AGAP1: variants seen among roughly 807,000 people sequenced by gnomAD.
AGAP1 encodes arf-GAP with GTPase, ANK repeat and PH domain-containing protein 1.
In AGAP1, 29 loss-of-function variants were observed where a neutral mutation model predicts 105.3. The ratio of observed to expected loss-of-function variants is 0.28; its 90% CI spans 0.21 to 0.38. The LOEUF is 0.38. AGAP1 is among the 10% of genes least tolerant of loss of function. The pLI is 1.00. For synonymous variants in AGAP1, 509 were observed against 485.9 expected (o/e 1.05, Z -0.63); for missense variants, 998 against 1,165.1 (o/e 0.86, Z 2.09).
intron 2 of AGAP1, among the ~76,000 whole-genome samples, chr2:235,711,341 C>T (rs1332192630): frequency 6.6e-6 from 1 of 152,230 alleles, no homozygotes; most frequent in Non-Finnish European, 1.5e-5. Flanking sequence ...CAAGGTGTTA[C>T]AGGTTCAGAG....
intron 12 of AGAP1, among the ~76,000 whole-genome samples, chr2:235,954,472 T>C (rs940622387): frequency 8.0e-5 from 12 of 150,774 alleles, no homozygotes; most frequent in African/African-American, 2.9e-4. Flanking sequence ...CAACATCCTC[T>C]CTCATCGTTC....
At position 236,042,277 on chromosome 2, in the gene AGAP1, C is replaced by G. The variant is rs1315749611; in HGVS notation, c.1891+1436C>G. 6.6e-6 allele frequency among the ~76,000 whole-genome samples: 1 copy of G among 152,092 alleles called. No individual in the cohort carries two copies. The highest frequency in any genetic ancestry group is 2.1e-4 in the South Asian group (1 of 4,826). Reference sequence around the variant, plus strand: ...ACAAAAGGGAAAGGAAGCGCCCCCTCCAAGAGTCCACTCAGCAGCATAGCA... The same window carrying G: ...ACAAAAGGGAAAGGAAGCGCCCCCTGCAAGAGTCCACTCAGCAGCATAGCA... On this transcript the variant is annotated intron_variant, in intron 15 of 17. Coordinates refer to ENST00000304032, the MANE Select transcript of AGAP1 (RefSeq NM_001037131.3). This position sits in a 1 kb window ranked among gnomAD's most constrained non-coding sequence, Gnocchi z 5.6.
rs116738839 is a variant in AGAP1, at chr2:235,570,421, T to C, written c.163+75572T>C. On this transcript the variant is annotated intron_variant, in intron 1 of 17. Coordinates refer to ENST00000304032, the MANE Select transcript of AGAP1 (RefSeq NM_001037131.3). Reference sequence around the variant, plus strand: ...TTAAAGCCAGATCATTATCTTGTTATAATGTGTGAGAGAGTCCTGCTTAAA... The same window carrying C: ...TTAAAGCCAGATCATTATCTTGTTACAATGTGTGAGAGAGTCCTGCTTAAA... 3.1e-3 allele frequency among the ~76,000 whole-genome samples: 473 copies of C among 152,374 alleles called. 5 individuals are homozygous for C. The highest frequency in any genetic ancestry group is 0.011 in the African/African-American group (462 of 41,594).
intron 14 of AGAP1, among the ~76,000 whole-genome samples, chr2:236,037,068 G>A (rs1403163879): frequency 6.6e-6 from 1 of 152,174 alleles, no homozygotes; most frequent in African/African-American, 2.4e-5. Flanking sequence ...GGACTTAAAA[G>A]ATGCACTGTT....
chr2:235,693,434 T>C (rs887079463), intron 1 of AGAP1, among the ~76,000 whole-genome samples: 4 of 152,178 alleles, frequency 2.6e-5, no homozygotes, highest in Admixed American at 6.5e-5. Context: ...GTCTCTGGCA[T>C]GGGGACTCAG....
In AGAP1 at chr2:235,741,832, C is replaced by G. The variant is rs1449288777; in HGVS notation, c.396+784C>G. On this transcript the variant is annotated intron_variant, in intron 4 of 17. Transcript: ENST00000304032. The surrounding 1 kb of genome is among the most constrained non-coding windows in gnomAD (Gnocchi z 4.9). ...GCAGTGACGTGATCTCGGCTCACTA[C>G]AAGCTCCACCTCCCAGGTTCAGGCC... Among the ~76,000 whole-genome samples the G allele has an allele frequency of 6.6e-6, 1 of 151,678 alleles. No homozygotes were observed. The highest frequency in any genetic ancestry group is 1.9e-4 in the East Asian group (1 of 5,170).
At chr2:235,848,599 G>A (rs1961792982) in intron 9 of AGAP1, among the ~76,000 whole-genome samples, 2 of 152,164 alleles carry the variant, frequency 1.3e-5, no homozygotes, top group Non-Finnish European at 2.9e-5. Flanking sequence ...AATAATACTG[G>A]TAATTTAGTT....
In AGAP1 at chr2:235,596,511, C is replaced by A. The variant is rs1945530335; in HGVS notation, c.163+101662C>A. Among the ~76,000 whole-genome samples, 1 of 152,162 alleles carries A rather than the reference C, an allele frequency of 6.6e-6. No homozygotes were observed. Among genetic ancestry groups the A allele is most frequent in the Non-Finnish European group, 1.5e-5 (1 of 68,030 alleles). Reference sequence around the variant, plus strand: ...CCTGAGAGTCTGTGTTTCTGGTGAGCCACAGGTAGCACCCCGGCTGCTGGT... The same window carrying A: ...CCTGAGAGTCTGTGTTTCTGGTGAGACACAGGTAGCACCCCGGCTGCTGGT... On this transcript the variant is annotated intron_variant, in intron 1 of 17. Coordinates refer to ENST00000304032, the MANE Select transcript of AGAP1 (RefSeq NM_001037131.3). This position sits in a 1 kb window ranked among gnomAD's most constrained non-coding sequence, Gnocchi z 5.9.
chr2:235,642,050 A>G lies in AGAP1; in HGVS notation c.164-67129A>G, dbSNP rs1161251600. On this transcript the variant is annotated intron_variant, in intron 1 of 17. Coordinates refer to ENST00000304032, the MANE Select transcript of AGAP1 (RefSeq NM_001037131.3). This position sits in a 1 kb window ranked among gnomAD's most constrained non-coding sequence, Gnocchi z 4.1. The stretch of plus-strand genomic sequence containing the variant: ...ACATCATCTTGCTTCTTTACTCAGC[A>G]TAAAGCCTCGTAGTAGATTCTCAGG... Among the ~76,000 whole-genome samples the G allele has an allele frequency of 6.6e-6, 1 of 152,200 alleles. No homozygotes were observed. Among genetic ancestry groups the G allele is most frequent in the Non-Finnish European group, 1.5e-5 (1 of 68,046 alleles).
intron 9 of AGAP1, among the ~76,000 whole-genome samples, chr2:235,862,247 T>G (rs1409081891): frequency 6.6e-6 from 1 of 152,198 alleles, no homozygotes; most frequent in Admixed American, 6.5e-5. Context: ...GTCTTCTAAC[T>G]TCTAATCAGT....
intron 1 of AGAP1, among the ~76,000 whole-genome samples, chr2:235,521,603 A>G (rs1157230287): frequency 6.6e-6 from 1 of 152,138 alleles, no homozygotes; most frequent in African/African-American, 2.4e-5. Flanking sequence ...TTTTTAACTT[A>G]GGAACATGTT....
At position 235,818,174 on chromosome 2, in the gene AGAP1, G is replaced by A. The variant is rs548151238; in HGVS notation, c.1050+10843G>A. Among the ~76,000 whole-genome samples, 5 of 152,294 alleles carry A rather than the reference G, an allele frequency of 3.3e-5. No individual in the cohort carries two copies. In the South Asian group the frequency reaches 6.2e-4, roughly 19 times the overall value. On this transcript the variant is annotated intron_variant, in intron 9 of 17. Coordinates refer to ENST00000304032, the MANE Select transcript of AGAP1 (RefSeq NM_001037131.3). ...ATAAGAATGCTGGCAGTTACATGCC[G>A]AGTACATATTGTACATTACGTTGGT...
At position 235,505,929 on chromosome 2, in the gene AGAP1, C is replaced by CT. The variant is rs57692049; in HGVS notation, c.163+11099dup. 1,303 of 131,176 alleles carry CT rather than the reference C, an allele frequency of 9.9e-3. 24 individuals are homozygous for CT. Among genetic ancestry groups the CT allele is most frequent in the African/African-American group, 0.032 (1,107 of 34,606 alleles). 8.1% of individuals were successfully genotyped at this position (131,176 alleles called of 1,614,324 possible). On this transcript the variant is annotated intron_variant, in intron 1 of 17. Transcript: ENST00000304032. The stretch of plus-strand genomic sequence containing the variant: ...GGAGTGCTTTTTTTAAAATTCTTTT[C>CT]TTTTTTTTTTTTTTTTTTTAAGACG...
chr2:236,053,543 A>C lies in AGAP1; in HGVS notation c.2114+4262A>C, dbSNP rs555144678. Among the ~76,000 whole-genome samples, 1 of 152,380 alleles carries C rather than the reference A, an allele frequency of 6.6e-6. No individual in the cohort carries two copies. Among genetic ancestry groups the C allele is most frequent in the East Asian group, 1.9e-4 (1 of 5,182 alleles). Reference sequence around the variant, plus strand: ...AAACATTTGGGATTGGCTGCAGTGCAAGTGATTTCCTAGCAGGACGGAGCA... The same window carrying C: ...AAACATTTGGGATTGGCTGCAGTGCCAGTGATTTCCTAGCAGGACGGAGCA... On this transcript the variant is annotated intron_variant, in intron 16 of 17. Coordinates refer to ENST00000304032, the MANE Select transcript of AGAP1 (RefSeq NM_001037131.3). This position sits in a 1 kb window ranked among gnomAD's most constrained non-coding sequence, Gnocchi z 4.6.
At chr2:235,775,283 G>T (rs1955777708) in intron 6 of AGAP1, among the ~76,000 whole-genome samples, 1 of 152,154 alleles carries the variant, frequency 6.6e-6, no homozygotes, top group South Asian at 2.1e-4. Context: ...TCAACGAAAG[G>T]AGGTTTGCAT....
At chr2:235,813,462 T>C (rs1045516170) in intron 9 of AGAP1, among the ~76,000 whole-genome samples, 10 of 152,358 alleles carry the variant, frequency 6.6e-5, no homozygotes, top group Admixed American at 2.0e-4. Flanking sequence ...TGTGTATCCA[T>C]TGTCCAGAGC....
rs1575207411 is a variant in AGAP1, at chr2:235,714,840, C to A, written c.223-2717C>A. ...TTGAGACAGAGTCTCGCTCTGTCAC[C>A]CAGGCTGGAGTCCAGTGGTGTATCT... On this transcript the variant is annotated intron_variant, in intron 2 of 17. Coordinates refer to ENST00000304032, the MANE Select transcript of AGAP1 (RefSeq NM_001037131.3). The surrounding 1 kb of genome is among the most constrained non-coding windows in gnomAD (Gnocchi z 4.1). Among the ~76,000 whole-genome samples the A allele has an allele frequency of 6.6e-6, 1 of 152,218 alleles. No homozygotes were observed. Among genetic ancestry groups the A allele is most frequent in the East Asian group, 1.9e-4 (1 of 5,184 alleles).
chr2:235,575,154 G>C (rs941345369), intron 1 of AGAP1, among the ~76,000 whole-genome samples: 3 of 151,784 alleles, frequency 2.0e-5, no homozygotes, highest in African/African-American at 7.3e-5. Flanking sequence ...CAAAAAAAAA[G>C]GTGACATTGA....
chr2:235,747,190 C>T lies in AGAP1; in HGVS notation c.538+2351C>T, dbSNP rs113725531. ...CCACTGTCCCTGCCCCTGGAGGCAG[C>T]GTATCCCTCTGAGTCTCCTGCCTGA... On this transcript the variant is annotated intron_variant, in intron 5 of 17. Transcript: ENST00000304032. This position sits in a 1 kb window ranked among gnomAD's most constrained non-coding sequence, Gnocchi z 5.0. Among the ~76,000 whole-genome samples, 10 of 152,234 alleles carry T rather than the reference C, an allele frequency of 6.6e-5. No individual in the cohort carries two copies. The highest frequency in any genetic ancestry group is 2.4e-4 in the African/African-American group (10 of 41,552).
Sources: gnomAD v4.1 joint callset for allele counts (sites outside exome capture counted in the v4.1 genomes callset) on GRCh38, gnomAD v4.1.1 for gene constraint, Gnocchi (gnomAD v3.1) non-coding constraint, MANE v1.5 for transcripts, NCBI Gene and HGNC (gene_info 2026-07-23, HGNC 2026-07-21) for gene names.